CNBD1: variants seen among roughly 807,000 people sequenced by gnomAD.
CNBD1 encodes cyclic nucleotide binding domain containing 1.
CNBD1 carries 71 observed loss-of-function variants against 54.4 expected under a neutral mutation model. The observed-to-expected ratio is 1.30, with a 90% confidence interval of 1.08 to 1.59. The LOEUF (loss-of-function observed/expected upper bound fraction) is 1.59. CNBD1 is among the 40% of genes most tolerant of loss of function. The pLI, the probability that CNBD1 is intolerant of heterozygous loss-of-function variation, is 0.00. For synonymous variants in CNBD1, 182 were observed against 170.7 expected (o/e 1.07, Z -0.51); for missense variants, 659 against 518.0 (o/e 1.27, Z -2.64).
chr8:87,228,277 C>G (rs1238750217), intron 5 of CNBD1, among the ~76,000 whole-genome samples: 2 of 151,454 alleles, frequency 1.3e-5, no homozygotes, highest in Non-Finnish European at 1.5e-5. Context: ...TGTTCCGTTG[C>G]TGGTGATGAG....
At chr8:87,241,422 C>T (rs1408726925) in intron 6 of CNBD1, among the ~76,000 whole-genome samples, 14 of 152,024 alleles carry the variant, frequency 9.2e-5, no homozygotes, top group East Asian at 1.9e-4. Context: ...AGGGGCCTGC[C>T]ACCACGCCTG....
chr8:87,247,720 G>T (rs147998494), intron 6 of CNBD1, among the ~76,000 whole-genome samples: 103 of 152,302 alleles, frequency 6.8e-4, no homozygotes, highest in African/African-American at 2.4e-3. Context: ...GTATGTAAGA[G>T]AAGACGTGTT....
At chr8:87,003,691 A>G (rs1374186154) in intron 4 of CNBD1, among the ~76,000 whole-genome samples, 1 of 152,170 alleles carries the variant, frequency 6.6e-6, no homozygotes, top group African/African-American at 2.4e-5. Context: ...TGAGAAGCCA[A>G]ATAACAAAAA....
At chr8:87,409,878 C>A (rs767077276) in intron 2 of CNBD1, among the ~76,000 whole-genome samples, 2 of 151,816 alleles carry the variant, frequency 1.3e-5, no homozygotes, top group Non-Finnish European at 2.9e-5. Context: ...AAAAAATTAG[C>A]CTGGTGTGGT....
chr8:87,216,404 C>G (rs1339775892), intron 5 of CNBD1, among the ~76,000 whole-genome samples: 1 of 152,158 alleles, frequency 6.6e-6, no homozygotes, highest in Non-Finnish European at 1.5e-5. Context: ...ACGTACACTA[C>G]ACAACTTCAG....
rs547322384 is a variant in CNBD1 at position 87,330,784 on chromosome 8, G to A, written c.1043-20901G>A. On this transcript the variant is annotated intron_variant, in intron 8 of 10. Coordinates refer to ENST00000518476, the MANE Select transcript of CNBD1 (RefSeq NM_173538.3). ...TTAATGGATTAAGTAGATTATAGAT[G>A]TCAATTTTACCAAATGATTGATGAT... is the stretch of plus-strand genomic sequence containing the variant. 2.6e-5 allele frequency among the ~76,000 whole-genome samples: 4 copies of A among 152,222 alleles called. No homozygotes were observed. The South Asian group carries it at 8.3e-4, about 32-fold the overall frequency.
At position 87,299,893 on chromosome 8, in the gene CNBD1, C is replaced by T. The variant is rs555899279; in HGVS notation, c.1042+13222C>T. Among the ~76,000 whole-genome samples the T allele has an allele frequency of 2.6e-5, 4 of 152,270 alleles. No individual in the cohort carries two copies. The East Asian group carries it at 7.7e-4, about 29-fold the overall frequency. On this transcript the variant is annotated intron_variant, in intron 8 of 10. Coordinates refer to ENST00000518476, the MANE Select transcript of CNBD1 (RefSeq NM_173538.3). ...AAATCATGTATATGCAGTGATCTTC[C>T]ATCTCTCTGTTCTTTTCTCCTTCCA... is the stretch of plus-strand genomic sequence containing the variant.
chr8:86,936,128 C>T (rs1809543045), intron 3 of CNBD1, among the ~76,000 whole-genome samples: 2 of 151,482 alleles, frequency 1.3e-5, no homozygotes, highest in Admixed American at 6.6e-5. Context: ...GACAAAGATC[C>T]CTTCTCAAAA....
chr8:87,406,558 C>A (rs1025993387), intron 2 of CNBD1, among the ~76,000 whole-genome samples: 4 of 150,500 alleles, frequency 2.7e-5, no homozygotes, highest in East Asian at 2.0e-4. Flanking sequence ...CAGCTTACTG[C>A]AACTTCTGCC....
intron 4 of CNBD1, among the ~76,000 whole-genome samples, chr8:87,183,014 A>T (rs1372010157): frequency 6.6e-6 from 1 of 152,014 alleles, no homozygotes; most frequent in African/African-American, 2.4e-5. Context: ...AGTTTTTTCT[A>T]GGGTTCTTAC....
intron 4 of CNBD1, among the ~76,000 whole-genome samples, chr8:87,011,907 G>A (rs1172997333): frequency 6.6e-6 from 1 of 152,066 alleles, no homozygotes; most frequent in East Asian, 1.9e-4. Context: ...TGCTTGAAGG[G>A]GGAAAACAGA....
At chr8:87,294,448 A>G (rs1297422898) in intron 8 of CNBD1, among the ~76,000 whole-genome samples, 2 of 152,128 alleles carry the variant, frequency 1.3e-5, no homozygotes, top group African/African-American at 4.8e-5. Flanking sequence ...ATGGGTTGAA[A>G]GGGACCTGTG....
At chr8:87,256,051 C>T (rs1360092092) in intron 6 of CNBD1, among the ~76,000 whole-genome samples, 4 of 96,234 alleles carry the variant, frequency 4.2e-5, no homozygotes, top group African/African-American at 4.2e-5. Flanking sequence ...GAGACAGGGT[C>T]TCACTCTGTC....
chr8:87,093,177 A>G (rs2130682776), intron 4 of CNBD1, among the ~76,000 whole-genome samples: 1 of 152,362 alleles, frequency 6.6e-6, no homozygotes, highest in Middle Eastern at 3.4e-3. Flanking sequence ...TAATTCTTGC[A>G]GGAAATGCAA....
intron 10 of CNBD1, among the ~76,000 whole-genome samples, chr8:87,359,286 C>G (rs533306968): frequency 3.4e-5 from 5 of 146,582 alleles, no homozygotes; most frequent in Non-Finnish European, 7.4e-5. Flanking sequence ...ATTCCATAGT[C>G]TGAATTTCAT....
At chr8:87,188,780 G>A (rs1208126431) in intron 4 of CNBD1, among the ~76,000 whole-genome samples, 6 of 144,090 alleles carry the variant, frequency 4.2e-5, no homozygotes, top group Middle Eastern at 3.6e-3. Context: ...TAAAAAATAA[G>A]TAAATAAATA....
intron 4 of CNBD1, among the ~76,000 whole-genome samples, chr8:87,082,558 T>C (rs1811018333): frequency 6.6e-6 from 1 of 152,224 alleles, no homozygotes; most frequent in South Asian, 2.1e-4. Flanking sequence ...TTATTAATGT[T>C]TGAATGGTAT....
chr8:87,184,072 G>C (rs952598307), intron 4 of CNBD1, among the ~76,000 whole-genome samples: 6 of 152,294 alleles, frequency 3.9e-5, no homozygotes, highest in Admixed American at 2.6e-4. Context: ...GATGATTGTG[G>C]CCAATGGGGT....
chr8:87,162,305 C>T (rs1256074741), intron 4 of CNBD1, among the ~76,000 whole-genome samples: 2 of 151,956 alleles, frequency 1.3e-5, no homozygotes, highest in Admixed American at 1.3e-4. Flanking sequence ...TAGTATTTCA[C>T]CATTTAATTA....
Sources: gnomAD v4.1 joint callset for allele counts (sites outside exome capture counted in the v4.1 genomes callset) on GRCh38, gnomAD v4.1.1 for gene constraint, MANE v1.5 for transcripts, NCBI Gene and HGNC (gene_info 2026-07-23, HGNC 2026-07-21) for gene names.